Variants in NREP observed in about 807,000 individuals in gnomAD.
NREP encodes neuronal regeneration related protein, also known as neuronal regeneration-related protein.
NREP carries 5 observed loss-of-function variants against 8.6 expected under a neutral mutation model. The observed-to-expected ratio is 0.58, with a 90% CI of 0.30 to 1.22. The LOEUF (loss-of-function observed/expected upper bound fraction) is 1.22. Ranked by LOEUF, NREP falls within the 50% of genes most tolerant of loss-of-function variation. The probability of loss-of-function intolerance (pLI) is 0.07; values close to 1 mark genes in which losing one functional copy is unlikely to be tolerated. For synonymous variants in NREP, 27 were observed against 28.0 expected (o/e 0.96, Z 0.11); for missense variants, 86 against 82.5 (o/e 1.04, Z -0.17).
intron 2 of NREP, among the ~76,000 whole-genome samples, chr5:111,803,226 A>G (rs987468422): frequency 1.2e-4 from 18 of 152,348 alleles, no homozygotes; most frequent in African/African-American, 4.3e-4. Context: ...AAATTTGAAT[A>G]AAAGATGCTT....
chr5:111,772,582 A>G (rs1022385009), intron 2 of NREP, among the ~76,000 whole-genome samples: 2 of 152,028 alleles, frequency 1.3e-5, no homozygotes, highest in Non-Finnish European at 2.9e-5. Context: ...TGGCTCTACT[A>G]AAAGGAACAG....
intron 2 of NREP, among the ~76,000 whole-genome samples, chr5:111,850,158 A>C (rs1251970686): frequency 1.3e-5 from 2 of 152,150 alleles, no homozygotes; most frequent in Non-Finnish European, 2.9e-5. Flanking sequence ...TACAGCTTAT[A>C]ATCTATCTAC....
intron 2 of NREP, among the ~76,000 whole-genome samples, chr5:111,740,309 C>T (rs1387111903): frequency 6.6e-6 from 1 of 152,060 alleles, no homozygotes; most frequent in Non-Finnish European, 1.5e-5. Context: ...AATTAATATA[C>T]TTAAACCCAC....
chr5:111,889,554 T>C (rs62371615), intron 2 of NREP, among the ~76,000 whole-genome samples: 100 of 152,320 alleles, frequency 6.6e-4, no homozygotes, highest in Non-Finnish European at 1.2e-3. Flanking sequence ...CCCTTCTCAA[T>C]AGTACCCCAA....
intron 2 of NREP, among the ~76,000 whole-genome samples, chr5:111,899,904 C>T (rs370233289): frequency 6.6e-6 from 1 of 152,132 alleles, no homozygotes; most frequent in Admixed American, 6.6e-5. Context: ...TTGGACAGAT[C>T]ATCTATTCAG....
At chr5:111,875,151 C>CA (rs1753874666) in intron 2 of NREP, among the ~76,000 whole-genome samples, 1 of 151,966 alleles carries the variant, frequency 6.6e-6, no homozygotes, top group Non-Finnish European at 1.5e-5. Context: ...AAAATTTTAC[C>CA]AAAAGCGATT....
chr5:111,966,176 G>T (rs1277562207), intron 2 of NREP, among the ~76,000 whole-genome samples: 3 of 152,156 alleles, frequency 2.0e-5, no homozygotes, highest in Non-Finnish European at 4.4e-5. Flanking sequence ...AAACTGAGTA[G>T]GGAAGAACAT....
At chr5:111,875,997 A>G (rs1753898923) in intron 2 of NREP, among the ~76,000 whole-genome samples, 1 of 152,114 alleles carries the variant, frequency 6.6e-6, no homozygotes, top group Non-Finnish European at 1.5e-5. Context: ...AGCACAAATA[A>G]CTGGTTAGGG....
At chr5:111,936,788 G>A (rs866718187) in intron 2 of NREP, among the ~76,000 whole-genome samples, 27 of 152,152 alleles carry the variant, frequency 1.8e-4, no homozygotes, top group Admixed American at 5.9e-4. Context: ...AAAAGTAATC[G>A]TAACACAGCA....
At chr5:111,939,602 T>C (rs1755775970) in intron 2 of NREP, among the ~76,000 whole-genome samples, 1 of 152,108 alleles carries the variant, frequency 6.6e-6, no homozygotes, top group African/African-American at 2.4e-5. Flanking sequence ...AGTGCACAGC[T>C]GAGGTCAAAC....
At chr5:111,786,270 T>G (rs958720751) in intron 2 of NREP, among the ~76,000 whole-genome samples, 1 of 152,224 alleles carries the variant, frequency 6.6e-6, no homozygotes, top group Non-Finnish European at 1.5e-5. Flanking sequence ...TTGCTTCCCT[T>G]TCCTCTAGGA....
At chr5:111,927,525 A>C (rs901909963) in intron 2 of NREP, among the ~76,000 whole-genome samples, 5 of 152,196 alleles carry the variant, frequency 3.3e-5, no homozygotes, top group South Asian at 2.1e-4. Flanking sequence ...GGGAAAGTTA[A>C]GCTTGAGAAC....
intron 2 of NREP, among the ~76,000 whole-genome samples, chr5:111,836,016 T>G (rs1035752017): frequency 7.2e-5 from 11 of 152,066 alleles, no homozygotes; most frequent in African/African-American, 2.2e-4. Context: ...GAAAAAGAAA[T>G]AAGGTTCCTG....
intron 2 of NREP, among the ~76,000 whole-genome samples, chr5:111,809,845 A>T (rs1752229381): frequency 6.6e-6 from 1 of 150,928 alleles, no homozygotes; most frequent in Admixed American, 6.6e-5. Context: ...TATAAATTTT[A>T]CCACCTCATT....
intron 2 of NREP, among the ~76,000 whole-genome samples, chr5:111,875,488 C>T (rs1314233005): frequency 6.6e-6 from 1 of 152,146 alleles, no homozygotes; most frequent in Non-Finnish European, 1.5e-5. Context: ...CAGAATATCA[C>T]ACAACAATTT....
intron 1 of NREP, among the ~76,000 whole-genome samples, chr5:111,976,148 G>A (rs1431438062): frequency 6.6e-6 from 1 of 152,038 alleles, no homozygotes; most frequent in East Asian, 1.9e-4. Context: ...CATATTATAA[G>A]GAGTAATTAC....
intron 1 of NREP, chr5:111,756,303 A>AT (rs1750698646): frequency 1.1e-6 from 1 of 904,290 alleles, no homozygotes; most frequent in Non-Finnish European, 1.3e-6. Flanking sequence ...GTTTAAAAAA[A>AT]AAAAAAAAAC....
chr5:111,875,598 A>G (rs1581181444), intron 2 of NREP, among the ~76,000 whole-genome samples: 1 of 152,236 alleles, frequency 6.6e-6, no homozygotes, highest in Admixed American at 6.5e-5. Context: ...ATCTCATTAC[A>G]TTATAGATAA....
At chr5:111,860,253 C>T (rs1244856265) in intron 2 of NREP, among the ~76,000 whole-genome samples, 1 of 152,018 alleles carries the variant, frequency 6.6e-6, no homozygotes, top group Non-Finnish European at 1.5e-5. Context: ...CTGTCTCCCT[C>T]AGACTACACT....
Sources: gnomAD v4.1 joint callset for allele counts (sites outside exome capture counted in the v4.1 genomes callset) on GRCh38, gnomAD v4.1.1 for gene constraint, MANE v1.5 for transcripts, NCBI Gene and HGNC (gene_info 2026-07-23, HGNC 2026-07-21) for gene names.